CCDC102A: variants seen among roughly 807,000 people sequenced by gnomAD.
The protein encoded by CCDC102A is coiled-coil domain-containing protein 102A.
In CCDC102A, 40 loss-of-function variants were observed where a neutral mutation model predicts 55.5. The observed-to-expected ratio is 0.72, with a 90% CI of 0.56 to 0.94. The LOEUF is 0.94. CCDC102A is among the 40% of genes least tolerant of loss of function. CCDC102A has a pLI of 0.00. For missense variants in CCDC102A, 779 were observed against 768.6 expected (o/e 1.01, Z -0.16); for synonymous variants, 323 against 339.0 (o/e 0.95, Z 0.52).
chr16:57,513,090 C>T (rs563092256), intron 8 of CCDC102A, among the ~76,000 whole-genome samples: 7 of 152,308 alleles, frequency 4.6e-5, no homozygotes, highest in Non-Finnish European at 8.8e-5. Context: ...CAAAGTCACA[C>T]AGATGGTGGG....
chr16:57,533,180 G>A (rs541243779), intron 1 of CCDC102A, among the ~76,000 whole-genome samples: 67 of 152,182 alleles, frequency 4.4e-4, no homozygotes, highest in Non-Finnish European at 8.5e-4. Context: ...CCTCCTAGGG[G>A]CTGGGGGAGA....
intron 8 of CCDC102A, 143 bp downstream of exon 8, chr16:57,515,198 C>T (rs544764149): frequency 3.2e-5 from 21 of 655,356 alleles, no homozygotes; most frequent in African/African-American, 8.9e-5. Flanking sequence ...CCTTCCTGCC[C>T]GGAGGGGACA....
At chr16:57,517,658 A>C (rs1234582785) in intron 6 of CCDC102A, among the ~76,000 whole-genome samples, 1 of 152,164 alleles carries the variant, frequency 6.6e-6, no homozygotes, top group Admixed American at 6.5e-5. Context: ...ACTCAGTTTA[A>C]AATGTCACTG....
chr16:57,530,290 T>A (rs984602996), intron 1 of CCDC102A, among the ~76,000 whole-genome samples: 1 of 152,050 alleles, frequency 6.6e-6, no homozygotes, highest in African/African-American at 2.4e-5. Context: ...CATGCCCCCC[T>A]CCTCCTTAAA....
In CCDC102A at chr16:57,512,822, A is replaced by G. The variant is rs370570708; in HGVS notation, c.1572T>C (p.Ser524=). ...CGGCCTCCTCGGTGCCAAAGCGAGC[A>G]CTGCGGATCTTCCCGAAGAGGGGAG... is the stretch of plus-strand genomic sequence containing the variant. ...QNAPLFGKIR[S]ARFGTEEAED... Residue 524 remains serine (S), a synonymous_variant, in exon 9 of 9, where the codon AGT becomes AGC. Transcript: ENST00000258214. 3.7e-6 allele frequency: 6 copies of G among 1,614,070 alleles called. No individual in the cohort carries two copies. The South Asian group carries it at 6.6e-5, about 18-fold the overall frequency.
intron 1 of CCDC102A, among the ~76,000 whole-genome samples, chr16:57,532,714 CACACACACACACACACACACAGAGGCAG>C (rs1290310779): frequency 6.6e-6 from 1 of 151,952 alleles, no homozygotes; most frequent in African/African-American, 2.4e-5. Flanking sequence ...CACACACACA[CACACACACACACACACACACAGAGGCAG>C]ACACACACAC....
upstream of CCDC102A, among the ~76,000 whole-genome samples, chr16:57,536,950 C>T (rs144972964): frequency 2.6e-3 from 389 of 152,328 alleles, 1 homozygote; most frequent in East Asian, 8.7e-3. Flanking sequence ...CAAGTCTTCA[C>T]TGTTGTTACC....
intron 2 of CCDC102A, among the ~76,000 whole-genome samples, chr16:57,528,386 G>C (rs1186344865): frequency 1.3e-5 from 2 of 152,196 alleles, no homozygotes; most frequent in African/African-American, 4.8e-5. Flanking sequence ...TGTGGGAGTG[G>C]AGGGATCACA....
In CCDC102A at chr16:57,512,201, A is replaced by C. The variant is rs1450796470; in HGVS notation, c.*540T>G. 5.3e-6 allele frequency: 2 copies of C among 378,258 alleles called. No homozygotes were observed. The highest frequency in any genetic ancestry group is 4.2e-5 in the African/African-American group (2 of 48,032). 23.4% of individuals were successfully genotyped at this position (378,258 alleles called of 1,614,324 possible). On this transcript the variant is annotated 3_prime_UTR_variant, in exon 9 of 9. Coordinates refer to ENST00000258214, the MANE Select transcript of CCDC102A (RefSeq NM_033212.4). ...TCTTCTTCACATTCACTCATTTATT[A>C]AGTTACTTGACATTCCTGAGCTCTG...
At chr16:57,521,690 C>T (rs1836455080) in intron 3 of CCDC102A, among the ~76,000 whole-genome samples, 1 of 152,202 alleles carries the variant, frequency 6.6e-6, no homozygotes. Flanking sequence ...CTCTTGCCAT[C>T]GACACTGTGT....
Position 57,512,699 on chromosome 16 carries a change from G to T in CCDC102A, c.*42C>A, listed in dbSNP as rs777271409. The stretch of plus-strand genomic sequence containing the variant: ...GAGTGGCTGGTTAGCCTGGACCCTG[G>T]GCAGGTATGGGGCGGCCCATCCTGC... On this transcript the variant is annotated 3_prime_UTR_variant, in exon 9 of 9. Coordinates refer to ENST00000258214, the MANE Select transcript of CCDC102A (RefSeq NM_033212.4). 1 of 1,588,766 alleles carries T rather than the reference G, an allele frequency of 6.3e-7. No homozygotes were observed.
At chr16:57,519,642 C>T (rs1386360429) in intron 4 of CCDC102A, among the ~76,000 whole-genome samples, 1 of 152,240 alleles carries the variant, frequency 6.6e-6, no homozygotes, top group African/African-American at 2.4e-5. Flanking sequence ...AAAAGAGAAC[C>T]TTTATAATTT....
In CCDC102A at chr16:57,528,645, G is replaced by A; in HGVS notation, c.533C>T (p.Ala178Val). Residue 178 changes from alanine (A) to valine (V), a missense_variant, in exon 2 of 9, where the codon GCG becomes GTG. Coordinates refer to ENST00000258214, the MANE Select transcript of CCDC102A (RefSeq NM_033212.4). ...GACGTCACGCACTGGCTCGCGCTCC[G>A]CTTCCGGCTCGGGGCCGTCGCGCGT... is the stretch of plus-strand genomic sequence containing the variant. ...DQTRDGPEPE[A>V]EREPVRDVGS... 2 of 1,202,794 alleles carry A rather than the reference G, an allele frequency of 1.7e-6. No individual in the cohort carries two copies. The highest frequency in any genetic ancestry group is 2.4e-5 in the South Asian group (1 of 42,548). The allele number at this position is 1,202,794 out of a possible 1,614,324, so 74.5% of individuals were successfully genotyped here.
In CCDC102A at chr16:57,516,551, T is replaced by C. The variant is rs1437706500; in HGVS notation, c.1249-88A>G. 3.8e-6 allele frequency: 4 copies of C among 1,052,396 alleles called. No homozygotes were observed. In the African/African-American group the frequency reaches 4.7e-5, roughly 12 times the overall value. 65.2% of individuals were successfully genotyped at this position (1,052,396 alleles called of 1,614,324 possible). A position where few individuals can be genotyped will look rare whatever the true frequency, so the allele number is the denominator to read the frequency against. On this transcript the variant is annotated intron_variant, in intron 6 of 8. Coordinates refer to ENST00000258214, the MANE Select transcript of CCDC102A (RefSeq NM_033212.4). This position sits in a 1 kb window ranked among gnomAD's most constrained non-coding sequence, Gnocchi z 4.4. ...CAGGGAGTCCCACGAGGTCAGGCAGTTCTAGGGATGCTGGGTGTCTCTCCT... is the reference window on the plus strand; with the variant it reads ...CAGGGAGTCCCACGAGGTCAGGCAGCTCTAGGGATGCTGGGTGTCTCTCCT...
At chr16:57,521,368 C>T (rs763666457) in intron 3 of CCDC102A, among the ~76,000 whole-genome samples, 192 bp from the exon 4 acceptor site, 1 of 152,210 alleles carries the variant, frequency 6.6e-6, no homozygotes, top group African/African-American at 2.4e-5. Flanking sequence ...AACTGCATTC[C>T]CTATCCAAGT....
Position 57,512,837 on chromosome 16 carries a change from G to A in CCDC102A, c.1557C>T (p.Phe519=), listed in dbSNP as rs536639825. 9.3e-6 allele frequency: 15 copies of A among 1,614,024 alleles called. No individual in the cohort carries two copies. Among genetic ancestry groups the A allele is most frequent in the African/African-American group, 2.7e-5 (2 of 75,056 alleles). The change falls in exon 9 of 9, where the codon TTC becomes TTT. Residue 519 remains phenylalanine, a synonymous_variant. Transcript: ENST00000258214. ...LRRQQQNAPL[F]GKIRSARFGT... ...CAAAGCGAGCACTGCGGATCTTCCC[G>A]AAGAGGGGAGCGTTCTGCTGCTGCC...
rs771010404 is a variant in CCDC102A at position 57,512,767 on chromosome 16, C to T, written c.1627G>A (p.Glu543Lys). Residue 543 changes from glutamate to lysine, a missense_variant, in exon 9 of 9, where the codon GAG (glutamate) becomes AAG (lysine). Coordinates refer to ENST00000258214, the MANE Select transcript of CCDC102A (RefSeq NM_033212.4). ...TAGGCCACCTGGATTTGCAGGTCCT[C>T]GTCCTCGTCCAGGTCACTGGTTCCA... ...EDGTSDLDED[E>K]DLQIQVA is the part of the protein sequence containing the mutation. The T allele has an allele frequency of 2.9e-5, 46 of 1,613,990 alleles. No individual in the cohort carries two copies. The highest frequency in any genetic ancestry group is 6.7e-5 in the Admixed American group (4 of 59,998).
chr16:57,525,878 C>G, intron 3 of CCDC102A, 23 bp downstream of exon 3: 4 of 1,607,364 alleles, frequency 2.5e-6, no homozygotes, highest in Non-Finnish European at 3.4e-6. Context: ...TGGCCCTGCC[C>G]CCTCCCGCCT....
intron 1 of CCDC102A, among the ~76,000 whole-genome samples, chr16:57,535,184 G>A (rs1485051397): frequency 6.6e-6 from 1 of 152,180 alleles, no homozygotes; most frequent in Admixed American, 6.5e-5. Context: ...CACAGACTGC[G>A]GGCACCTGTC....
Sources: gnomAD v4.1 joint callset for allele counts (sites outside exome capture counted in the v4.1 genomes callset) on GRCh38, gnomAD v4.1.1 for gene constraint, Gnocchi (gnomAD v3.1) non-coding constraint, MANE v1.5 for transcripts, NCBI Gene and HGNC (gene_info 2026-07-23, HGNC 2026-07-21) for gene names.